Variants in IGFBP2 observed in about 807,000 individuals in gnomAD.
The protein encoded by IGFBP2 is insulin like growth factor binding protein 2.
A neutral mutation model predicts 26.2 loss-of-function variants in IGFBP2; 12 were observed. The observed-to-expected ratio is 0.46, with a 90% CI of 0.29 to 0.74. The LOEUF (loss-of-function observed/expected upper bound fraction) is 0.74. IGFBP2 is among the 30% of genes least tolerant of loss of function. IGFBP2 has a pLI of 0.09. For synonymous variants in IGFBP2, 189 were observed against 200.6 expected (o/e 0.94, Z 0.49); for missense variants, 328 against 441.2 (o/e 0.74, Z 2.30).
intron 2 of IGFBP2, chr2:216,661,370 C>G (rs1688641641): frequency 3.5e-6 from 1 of 283,492 alleles, no homozygotes; most frequent in Non-Finnish European, 6.9e-6. Context: ...TCCCGAAGCG[C>G]TGGGATTACA....
chr2:216,633,944 G>T lies in IGFBP2; in HGVS notation c.421G>T (p.Ala141Ser). 1.2e-6 allele frequency: 2 copies of T among 1,602,530 alleles called. No homozygotes were observed. The highest frequency in any genetic ancestry group is 1.7e-6 in the Non-Finnish European group (2 of 1,175,828). The change falls in exon 1 of 4, where the codon GCC (alanine) becomes TCC (serine). Residue 141 changes from alanine to serine, a missense_variant. Physicochemically the swap from Ala to Ser is moderately conservative, Grantham distance 99 (BLOSUM62 1). Coordinates refer to ENST00000233809, the MANE Select transcript of IGFBP2 (RefSeq NM_000597.3). ...GAAGCGCCGGGACGCCGAGTATGGC[G>T]CCAGCCCGGAGCAGGTTGCAGGTAA... Reference protein sequence around the residue: ...CEKRRDAEYGASPEQVADNGD... With the variant: ...CEKRRDAEYGSSPEQVADNGD...
chr2:216,638,661 G>A (rs2106188835), intron 1 of IGFBP2, among the ~76,000 whole-genome samples: 1 of 152,212 alleles, frequency 6.6e-6, no homozygotes, highest in Admixed American at 6.5e-5. Flanking sequence ...TTCTCAGCTG[G>A]GCTGTTCACA....
At chr2:216,649,669 C>G (rs1217536040) in intron 1 of IGFBP2, among the ~76,000 whole-genome samples, 3 of 152,198 alleles carry the variant, frequency 2.0e-5, no homozygotes, top group Non-Finnish European at 4.4e-5. Context: ...TCACGGGGCC[C>G]CAGAGGACCT....
At chr2:216,663,118 C>G (rs9341214) in intron 3 of IGFBP2, 3,999 of 152,422 alleles carry the variant, frequency 0.026, 68 homozygotes, top group South Asian at 0.066. Context: ...ACCCCCTTCA[C>G]CCAGGCACCT....
At chr2:216,651,907 A>G (rs1464947350) in intron 1 of IGFBP2, among the ~76,000 whole-genome samples, 1 of 152,172 alleles carries the variant, frequency 6.6e-6, no homozygotes, top group Non-Finnish European at 1.5e-5. Context: ...GACCTCAGGC[A>G]TGTGCCACCA....
chr2:216,641,446 T>G (rs1227241201), intron 1 of IGFBP2, among the ~76,000 whole-genome samples: 1 of 152,214 alleles, frequency 6.6e-6, no homozygotes, highest in East Asian at 1.9e-4. Flanking sequence ...AAACTATATA[T>G]AAAACCTAAG....
chr2:216,643,436 A>G (rs1211901025), intron 1 of IGFBP2, among the ~76,000 whole-genome samples: 2 of 152,170 alleles, frequency 1.3e-5, no homozygotes, highest in African/African-American at 2.4e-5. Flanking sequence ...CTAATGAGGC[A>G]TGGCCCCAGG....
At chr2:216,638,843 G>A (rs1416839094) in intron 1 of IGFBP2, among the ~76,000 whole-genome samples, 11 of 150,238 alleles carry the variant, frequency 7.3e-5, no homozygotes, top group Non-Finnish European at 1.6e-4. Context: ...GGGACTACAG[G>A]CACCTGCCAC....
At chr2:216,651,215 T>C (rs1288259399) in intron 1 of IGFBP2, among the ~76,000 whole-genome samples, 1 of 152,172 alleles carries the variant, frequency 6.6e-6, no homozygotes, top group East Asian at 1.9e-4. Flanking sequence ...ACCTTCCTCT[T>C]TCCTAACTTC....
chr2:216,661,719 C>T (rs1688652940), intron 2 of IGFBP2, 139 bp from the exon 3 acceptor site: 1 of 981,186 alleles, frequency 1.0e-6, no homozygotes, highest in African/African-American at 1.6e-5. Context: ...TGTCAGAAGT[C>T]CCTGTGCCCC....
intron 1 of IGFBP2, among the ~76,000 whole-genome samples, chr2:216,638,386 T>G (rs1697543859): frequency 6.6e-6 from 1 of 151,660 alleles, no homozygotes. Flanking sequence ...CTGCCTGTAG[T>G]CCCAGCTGCT....
Position 216,661,946 on chromosome 2 carries a change from A to G in IGFBP2, c.761A>G (p.Tyr254Cys), listed in dbSNP as rs1291014455. Residue 254 changes from tyrosine (Y) to cysteine (C), a missense_variant, in exon 3 of 4, where the codon TAC becomes TGC. Tyr to Cys is a radical substitution (Grantham distance 194). Transcript: ENST00000233809. ...GAGCGGGGCCCTCTGGAGCACCTCT[A>G]CTCCCTGCACATCCCCAACTGTGAC... ...PDERGPLEHLYSLHIPNCDKH... is the reference protein window; with the variant it reads ...PDERGPLEHLCSLHIPNCDKH... The G allele has an allele frequency of 6.2e-7, 1 of 1,613,942 alleles. No homozygotes were observed. Among genetic ancestry groups the G allele is most frequent in the South Asian group, 1.1e-5 (1 of 91,064 alleles).
chr2:216,662,528 A>G (rs1393905208), intron 3 of IGFBP2: 1 of 160,182 alleles, frequency 6.2e-6, no homozygotes, highest in African/African-American at 2.4e-5. Flanking sequence ...AAAGATTCTG[A>G]AAAGCCATCT....
In IGFBP2 at chr2:216,664,113, C is replaced by T. The variant is rs763702636; in HGVS notation, c.*9C>T. 7.0e-6 allele frequency: 11 copies of T among 1,575,972 alleles called. No homozygotes were observed. The highest frequency in any genetic ancestry group is 1.8e-5 in the Admixed American group (1 of 56,218). On this transcript the variant is annotated 3_prime_UTR_variant, in exon 4 of 4. Coordinates refer to ENST00000233809, the MANE Select transcript of IGFBP2 (RefSeq NM_000597.3). This position sits in a 1 kb window ranked among gnomAD's most constrained non-coding sequence, Gnocchi z 4.6. ...CCCAGCGGATGCAGTAGACCGCAGC[C>T]AGCCGGTGCCTGGCGCCCCTGCCCC...
chr2:216,661,924 CG>C lies in IGFBP2; in HGVS notation c.743del (p.Gly248AlafsTer29). The C allele has an allele frequency of 6.2e-7, 1 of 1,614,186 alleles. No individual in the cohort carries two copies. The highest frequency in any genetic ancestry group is 8.5e-7 in the Non-Finnish European group (1 of 1,180,010). ...CTCCACCATGCGCCTTCCGGATGAG[CG>C]GGGCCCTCTGGAGCACCTCTACTCC... ...RISTMRLPDERGPLEHLYSLH... is the reference protein window; with the variant it reads ...RISTMRLPDEXGPLEHLYSLH... On this transcript the variant is annotated frameshift_variant, in exon 3 of 4. Coordinates refer to ENST00000233809, the MANE Select transcript of IGFBP2 (RefSeq NM_000597.3). LOFTEE classifies it high-confidence loss of function.
chr2:216,644,835 A>G (rs1697679966), intron 1 of IGFBP2, among the ~76,000 whole-genome samples: 1 of 152,206 alleles, frequency 6.6e-6, no homozygotes, highest in African/African-American at 2.4e-5. Context: ...ATTCAGGTTC[A>G]ACTGCCAAGG....
chr2:216,652,011 C>T (rs1239175666), intron 1 of IGFBP2, among the ~76,000 whole-genome samples: 1 of 152,100 alleles, frequency 6.6e-6, no homozygotes, highest in Admixed American at 6.6e-5. Flanking sequence ...ACCCGCCCAC[C>T]TCAGCCTCCC....
chr2:216,633,478 G>GCACA lies in IGFBP2; in HGVS notation c.-45_-44insACAC. ...GCAGGGCCGTGCCACCTGCCCGCCCGCCCGCTCGCTCGCTCGCCCGCCGCG... is the reference window on the plus strand; with the variant it reads ...GCAGGGCCGTGCCACCTGCCCGCCCGCACACCCGCTCGCTCGCTCGCCCGCCGCG... On this transcript the variant is annotated 5_prime_UTR_variant, in exon 1 of 4. Transcript: ENST00000233809. The GCACA allele has an allele frequency of 4.2e-6, 2 of 480,556 alleles. No individual in the cohort carries two copies. The highest frequency in any genetic ancestry group is 5.5e-6 in the Non-Finnish European group (2 of 365,908). 29.8% of individuals were successfully genotyped at this position (480,556 alleles called of 1,614,324 possible). A position where few individuals can be genotyped will look rare whatever the true frequency, so the allele number is the denominator to read the frequency against.
chr2:216,640,038 C>T (rs1169689431), intron 1 of IGFBP2, among the ~76,000 whole-genome samples: 1 of 152,172 alleles, frequency 6.6e-6, no homozygotes, highest in African/African-American at 2.4e-5. Context: ...CTCCTGCCTT[C>T]TCCATGCTGT....
Sources: allele counts gnomAD v4.1 joint callset (sites outside exome capture counted in the v4.1 genomes callset), GRCh38; gene constraint gnomAD v4.1.1; non-coding constraint Gnocchi (gnomAD v3.1); transcripts MANE v1.5; gene names NCBI Gene and HGNC (gene_info 2026-07-23, HGNC 2026-07-21).